The following DDX4 variants were observed in gnomAD, a reference collection of about 807,000 sequenced individuals.
DDX4 encodes the protein probable ATP-dependent RNA helicase DDX4.
In DDX4, 25 loss-of-function variants were observed where a neutral mutation model predicts 100.0. The ratio of observed to expected loss-of-function variants is 0.25; its 90% CI spans 0.18 to 0.35. DDX4 has a LOEUF of 0.35. Among genes scored for constraint, DDX4 ranks in the 10% least tolerant of loss-of-function variants. The pLI, the probability that DDX4 is intolerant of heterozygous loss-of-function variation, is 1.00. For synonymous variants in DDX4, 259 were observed against 275.7 expected (o/e 0.94, Z 0.60); for missense variants, 635 against 882.4 (o/e 0.72, Z 3.55).
chr5:55,797,901 T>C (rs1168913986), intron 17 of DDX4, among the ~76,000 whole-genome samples: 2 of 152,208 alleles, frequency 1.3e-5, no homozygotes, highest in African/African-American at 4.8e-5. Flanking sequence ...AATACTACTT[T>C]CTATGTGTGT....
intron 3 of DDX4, among the ~76,000 whole-genome samples, chr5:55,757,306 T>G (rs902097868): frequency 6.6e-6 from 1 of 152,198 alleles, no homozygotes; most frequent in African/African-American, 2.4e-5. Flanking sequence ...ATTGTATCAT[T>G]CTTATGCCTT....
intron 3 of DDX4, among the ~76,000 whole-genome samples, chr5:55,752,938 T>C (rs1451487139): frequency 1.3e-5 from 2 of 151,792 alleles, no homozygotes; most frequent in East Asian, 1.9e-4. Flanking sequence ...TGGCCAGTGA[T>C]GGTGAGCATT....
At position 55,781,640 on chromosome 5, in the gene DDX4, G is replaced by C. The variant is rs190727567; in HGVS notation, c.578-294G>C. Among the ~76,000 whole-genome samples the C allele has an allele frequency of 2.1e-3, 317 of 152,188 alleles. 5 individuals carry two copies. The highest frequency in any genetic ancestry group is 1.5e-3 in the Non-Finnish European group (103 of 67,998). On this transcript the variant is annotated intron_variant, in intron 9 of 21. Transcript: ENST00000505374. Reference sequence around the variant, plus strand: ...AAAAATACAGAAATTAGCTGGGCGTGGTGGTATGTGCCTGTAGTCCCAGCT... The same window carrying C: ...AAAAATACAGAAATTAGCTGGGCGTCGTGGTATGTGCCTGTAGTCCCAGCT...
rs1225727462 is a variant in DDX4, at chr5:55,765,407, A to ATATATATATAT, written c.334+1343_334+1344insTATATATATAT. 2.0e-4 allele frequency among the ~76,000 whole-genome samples: 19 copies of ATATATATATAT among 92,924 alleles called. No individual in the cohort carries two copies. In the East Asian group the frequency reaches 2.1e-3, roughly 10 times the overall value. 61.0% of individuals were successfully genotyped at this position (92,924 alleles called of 152,430 possible). A position where few individuals can be genotyped will look rare whatever the true frequency, so the allele number is the denominator to read the frequency against. On this transcript the variant is annotated intron_variant, in intron 6 of 21. Coordinates refer to ENST00000505374, the MANE Select transcript of DDX4 (RefSeq NM_024415.3). ...TTTTTAGTTCCCCTAAAAAAAAAAA[A>ATATATATATAT]AAAAAAATATATATATATATATATA...
intron 7 of DDX4, among the ~76,000 whole-genome samples, chr5:55,771,187 A>C (rs1314347525): frequency 6.6e-6 from 1 of 152,214 alleles, no homozygotes; most frequent in African/African-American, 2.4e-5. Flanking sequence ...GTATAGTTCA[A>C]TTATGTTTCA....
chr5:55,788,468 A>C (rs1240933715), intron 15 of DDX4, among the ~76,000 whole-genome samples: 1 of 152,106 alleles, frequency 6.6e-6, no homozygotes, highest in Non-Finnish European at 1.5e-5. Flanking sequence ...GTCTCCAAAA[A>C]AGTAAAATTT....
intron 7 of DDX4, among the ~76,000 whole-genome samples, chr5:55,773,759 G>T (rs188502836): frequency 8.2e-4 from 124 of 152,064 alleles, no homozygotes; most frequent in Non-Finnish European, 1.7e-3. Context: ...TGTGTAGCTG[G>T]GACTACAGGC....
At chr5:55,765,783 G>A (rs1037694027) in intron 6 of DDX4, among the ~76,000 whole-genome samples, 1 of 151,866 alleles carries the variant, frequency 6.6e-6, no homozygotes, top group African/African-American at 2.4e-5. Flanking sequence ...TTTAGAACAC[G>A]GCCAGGTACA....
intron 15 of DDX4, among the ~76,000 whole-genome samples, chr5:55,788,282 C>A (rs2112031599): frequency 6.6e-6 from 1 of 152,124 alleles, no homozygotes; most frequent in African/African-American, 2.4e-5. Context: ...CGAGACCAGC[C>A]AGGGTAACAT....
chr5:55,814,107 T>C (rs899983812), intron 19 of DDX4, among the ~76,000 whole-genome samples: 1 of 152,204 alleles, frequency 6.6e-6, no homozygotes, highest in African/African-American at 2.4e-5. Flanking sequence ...CTAAATCTAA[T>C]CTTTCTTAGA....
chr5:55,774,401 C>G (rs562460987), intron 7 of DDX4, among the ~76,000 whole-genome samples: 1 of 152,330 alleles, frequency 6.6e-6, no homozygotes, highest in East Asian at 1.9e-4. Flanking sequence ...GTTCTCCCTT[C>G]TTGGCCTTCC....
chr5:55,807,852 A>G (rs1322787918), intron 18 of DDX4, among the ~76,000 whole-genome samples: 1 of 152,090 alleles, frequency 6.6e-6, no homozygotes, highest in Non-Finnish European at 1.5e-5. Flanking sequence ...TCTTTCCTGA[A>G]TTTGAATGTT....
At chr5:55,763,509 A>G (rs750414062) in intron 5 of DDX4, among the ~76,000 whole-genome samples, 2 of 152,146 alleles carry the variant, frequency 1.3e-5, no homozygotes, top group African/African-American at 2.4e-5. Flanking sequence ...TAACTCTTAG[A>G]CATAGGTTTT....
chr5:55,761,046 TA>T (rs1416802942), intron 4 of DDX4, among the ~76,000 whole-genome samples: 4 of 152,344 alleles, frequency 2.6e-5, no homozygotes, highest in African/African-American at 9.6e-5. Context: ...CTGTGGAAAC[TA>T]AAAGATGCAT....
intron 15 of DDX4, 99 bp from the exon 16 acceptor site, chr5:55,790,477 T>TAGAAAG: frequency 1.2e-6 from 1 of 837,870 alleles, no homozygotes; most frequent in East Asian, 2.5e-5. Context: ...TAGTTGAATG[T>TAGAAAG]TTGTTTTTTT....
chr5:55,799,889 G>A (rs1253731578), intron 18 of DDX4, among the ~76,000 whole-genome samples: 2 of 152,086 alleles, frequency 1.3e-5, no homozygotes, highest in Non-Finnish European at 2.9e-5. Context: ...TGCGAAGGTG[G>A]TTCATCAGCT....
chr5:55,785,260 A>G (rs1742172584), intron 10 of DDX4, 37 bp from the exon 11 acceptor site: 1 of 1,456,186 alleles, frequency 6.9e-7, no homozygotes, highest in South Asian at 1.2e-5. Flanking sequence ...ACAGCCTTAC[A>G]TCTTGACCGA....
At chr5:55,752,311 C>A (rs1311364103) in intron 3 of DDX4, among the ~76,000 whole-genome samples, 1 of 144,966 alleles carries the variant, frequency 6.9e-6, no homozygotes, top group Non-Finnish European at 1.5e-5. Context: ...TTAGGTATAT[C>A]TCCCAATGCT....
At chr5:55,747,367 ACT>A (rs1759300075) in intron 3 of DDX4, among the ~76,000 whole-genome samples, 1 of 152,034 alleles carries the variant, frequency 6.6e-6, no homozygotes, top group Non-Finnish European at 1.5e-5. Context: ...ATGGAGTGAG[ACT>A]CTGTCTCAAA....
Sources: gnomAD v4.1 joint callset for allele counts (sites outside exome capture counted in the v4.1 genomes callset) on GRCh38, gnomAD v4.1.1 for gene constraint, MANE v1.5 for transcripts, NCBI Gene and HGNC (gene_info 2026-07-23, HGNC 2026-07-21) for gene names.